The following GPM6A variants were observed in gnomAD, a reference collection of about 807,000 sequenced individuals.
GPM6A encodes neuronal membrane glycoprotein M6-a.
A neutral mutation model predicts 32.1 loss-of-function variants in GPM6A; 7 were observed. The observed-to-expected ratio is 0.22, with a 90% CI of 0.12 to 0.41. GPM6A has a LOEUF of 0.41. Among genes scored for constraint, GPM6A ranks in the 10% least tolerant of loss-of-function variants. The pLI is 1.00. For synonymous variants in GPM6A, 130 were observed against 123.4 expected (o/e 1.05, Z -0.35); for missense variants, 235 against 347.2 (o/e 0.68, Z 2.57).
chr4:175,764,229 C>T (rs575122927), intron 1 of GPM6A, among the ~76,000 whole-genome samples: 7 of 152,314 alleles, frequency 4.6e-5, no homozygotes, highest in Non-Finnish European at 4.4e-5. Context: ...TAAGGATTTG[C>T]CTATCCCGAG....
chr4:175,636,260 GTATATATATATATATATA>G (rs34516159), intron 6 of GPM6A, among the ~76,000 whole-genome samples: 5,516 of 101,354 alleles, frequency 0.054, 278 homozygotes, highest in Admixed American at 0.092. Context: ...CATAATCACT[GTATATATATATATATATA>G]TATATATATA....
At chr4:175,784,591 A>G (rs1733727190) in intron 1 of GPM6A, among the ~76,000 whole-genome samples, 1 of 152,202 alleles carries the variant, frequency 6.6e-6, no homozygotes, top group Admixed American at 6.6e-5. Context: ...TAAACAATTG[A>G]AGGAGAAATT....
At chr4:175,789,948 C>T (rs1733947765) in intron 1 of GPM6A, among the ~76,000 whole-genome samples, 2 of 152,140 alleles carry the variant, frequency 1.3e-5, no homozygotes, top group Non-Finnish European at 2.9e-5. Context: ...TATATTTGTT[C>T]TGAGTAATAT....
chr4:175,656,205 A>G (rs981081897), intron 3 of GPM6A, among the ~76,000 whole-genome samples: 29 of 152,226 alleles, frequency 1.9e-4, no homozygotes, highest in African/African-American at 6.7e-4. Flanking sequence ...CTTAATTTGA[A>G]TTAGTTAATT....
At chr4:175,777,873 G>A (rs1035827198) in intron 1 of GPM6A, among the ~76,000 whole-genome samples, 1 of 152,120 alleles carries the variant, frequency 6.6e-6, no homozygotes, top group Admixed American at 6.5e-5. Context: ...CAGATTATAT[G>A]ATAGGAATTA....
At chr4:175,776,747 C>T (rs539301274) in intron 1 of GPM6A, among the ~76,000 whole-genome samples, 1 of 152,210 alleles carries the variant, frequency 6.6e-6, no homozygotes, top group Admixed American at 6.5e-5. Flanking sequence ...CGAACCCCCA[C>T]CATGATTTTT....
intron 1 of GPM6A, among the ~76,000 whole-genome samples, chr4:175,930,019 A>C (rs1386732798): frequency 6.6e-6 from 1 of 152,112 alleles, no homozygotes; most frequent in Non-Finnish European, 1.5e-5. Context: ...CCTATAGCTA[A>C]AGGAAAAGCT....
At chr4:175,686,681 T>A (rs893353560) in intron 2 of GPM6A, among the ~76,000 whole-genome samples, 1 of 152,208 alleles carries the variant, frequency 6.6e-6, no homozygotes, top group Non-Finnish European at 1.5e-5. Context: ...GTGTCTGGCC[T>A]CTCCAACTAT....
At chr4:175,739,843 C>T (rs544974694) in intron 1 of GPM6A, among the ~76,000 whole-genome samples, 11 of 151,946 alleles carry the variant, frequency 7.2e-5, no homozygotes, top group Admixed American at 3.9e-4. Context: ...AAGAAGTTAA[C>T]GTTTAGAAAT....
At chr4:175,955,057 A>C (rs1739941807) in intron 1 of GPM6A, among the ~76,000 whole-genome samples, 1 of 152,254 alleles carries the variant, frequency 6.6e-6, no homozygotes, top group African/African-American at 2.4e-5. Flanking sequence ...AGAAGTAGAG[A>C]TGAATCACCC....
intron 6 of GPM6A, among the ~76,000 whole-genome samples, chr4:175,638,373 G>C (rs1465832626): frequency 6.6e-6 from 1 of 151,960 alleles, no homozygotes; most frequent in East Asian, 1.9e-4. Context: ...ATTTAAGCTA[G>C]TATGGGGTTT....
chr4:175,763,347 T>C (rs566347002), intron 1 of GPM6A, among the ~76,000 whole-genome samples: 152 of 152,302 alleles, frequency 1.0e-3, no homozygotes, highest in Admixed American at 9.3e-3. Context: ...CTTTCCCTTC[T>C]GGATGAACAT....
At chr4:175,991,770 G>A (rs1435216624) in intron 1 of GPM6A, among the ~76,000 whole-genome samples, 14 of 151,970 alleles carry the variant, frequency 9.2e-5, no homozygotes, top group Non-Finnish European at 1.5e-4. Context: ...GATATGATCT[G>A]TTCCATGCCC....
At chr4:175,703,316 C>T (rs915518103) in intron 1 of GPM6A, among the ~76,000 whole-genome samples, 16 of 152,122 alleles carry the variant, frequency 1.1e-4, no homozygotes, top group Middle Eastern at 3.4e-3. Context: ...GGACTACTGG[C>T]GCACGTCACC....
intron 1 of GPM6A, among the ~76,000 whole-genome samples, chr4:175,741,145 C>T (rs1040781506): frequency 2.0e-5 from 3 of 152,010 alleles, no homozygotes; most frequent in Non-Finnish European, 2.9e-5. Flanking sequence ...CTTATTTTTG[C>T]ATTACCTTGT....
chr4:175,879,303 C>T (rs1332074218), intron 1 of GPM6A, among the ~76,000 whole-genome samples: 1 of 152,198 alleles, frequency 6.6e-6, no homozygotes. Context: ...AACTTCACAG[C>T]AGCACCCCAC....
At chr4:175,652,258 T>C (rs1171777947) in intron 3 of GPM6A, among the ~76,000 whole-genome samples, 1 of 152,186 alleles carries the variant, frequency 6.6e-6, no homozygotes, top group Non-Finnish European at 1.5e-5. Context: ...TCTTCATCCA[T>C]GTATTTAACT....
chr4:175,842,819 T>C (rs1397128711), intron 1 of GPM6A, among the ~76,000 whole-genome samples: 1 of 152,090 alleles, frequency 6.6e-6, no homozygotes, highest in African/African-American at 2.4e-5. Flanking sequence ...ATTGACCTTA[T>C]AGGTCAATTT....
At chr4:175,953,080 T>C (rs1407778516) in intron 1 of GPM6A, among the ~76,000 whole-genome samples, 1 of 151,268 alleles carries the variant, frequency 6.6e-6, no homozygotes, top group Non-Finnish European at 1.5e-5. Flanking sequence ...AGAAATCCCC[T>C]TGCCTTAAAA....
Sources: allele counts gnomAD v4.1 joint callset (sites outside exome capture counted in the v4.1 genomes callset), GRCh38; gene constraint gnomAD v4.1.1; transcripts MANE v1.5; gene names NCBI Gene and HGNC (gene_info 2026-07-23, HGNC 2026-07-21).